GDPD5: variants seen among roughly 807,000 people sequenced by gnomAD.
GDPD5 encodes glycerophosphodiester phosphodiesterase 2.
Under a neutral mutation model 75.1 loss-of-function variants are expected in GDPD5, and 48 were observed. The ratio of observed to expected loss-of-function variants is 0.64; its 90% CI spans 0.51 to 0.81. The LOEUF (loss-of-function observed/expected upper bound fraction) is 0.81. GDPD5 is among the 40% of genes least tolerant of loss of function. The pLI is 0.00. For missense variants in GDPD5, 706 were observed against 822.6 expected, an observed-to-expected ratio of 0.86 and a Z score of 1.73; for synonymous variants, 336 against 339.0, an observed-to-expected ratio of 0.99 and a Z score of 0.10.
chr11:75,479,746 C>T (rs1392516557), intron 2 of GDPD5, among the ~76,000 whole-genome samples: 1 of 152,114 alleles, frequency 6.6e-6, no homozygotes, highest in Non-Finnish European at 1.5e-5. Flanking sequence ...ACTGCTCATC[C>T]ACTTTCTGTC....
intron 15 of GDPD5, 128 bp from the exon 16 acceptor site, chr11:75,437,176 A>C: frequency 1.5e-6 from 1 of 660,536 alleles, no homozygotes; most frequent in Non-Finnish European, 2.6e-6. Context: ...CCACTGTACA[A>C]TGGGGAAATA....
chr11:75,444,361 G>T (rs1477684388), intron 10 of GDPD5, 52 bp downstream of exon 10: 2 of 1,347,958 alleles, frequency 1.5e-6, no homozygotes, highest in East Asian at 4.6e-5. Context: ...CCAGGTGGAT[G>T]CCGAAGCGTG....
chr11:75,522,123 G>A (rs1056523668), intron 1 of GDPD5, among the ~76,000 whole-genome samples: 12 of 151,858 alleles, frequency 7.9e-5, no homozygotes, highest in Non-Finnish European at 1.5e-4. Flanking sequence ...CACCTGCCCC[G>A]CCACTAGCCC....
intron 1 of GDPD5, among the ~76,000 whole-genome samples, chr11:75,505,354 C>A (rs1950375639): frequency 2.0e-5 from 3 of 151,910 alleles, no homozygotes; most frequent in Middle Eastern, 3.4e-3. Context: ...CCACCCCCAG[C>A]CCTCCAGATC....
intron 2 of GDPD5, 159 bp from the exon 3 acceptor site, chr11:75,477,954 C>G: frequency 5.1e-6 from 2 of 390,392 alleles, no homozygotes; most frequent in Non-Finnish European, 9.1e-6. Context: ...CCCTGCAGGT[C>G]CCCAAGGACC....
Position 75,436,982 on chromosome 11 carries a change from C to A in GDPD5, c.1623G>T (p.Arg541=), listed in dbSNP as rs1217171041. The A allele has an allele frequency of 1.2e-6, 2 of 1,613,418 alleles. No individual in the cohort carries two copies. Among genetic ancestry groups the A allele is most frequent in the African/African-American group, 2.7e-5 (2 of 74,916 alleles). ...EQIMLSAAVR[R]TSRDVSIMKE... ...TCATGATGCTGACGTCCCGGCTGGTCCGGCGCACCGCAGCACTCAGCATGA... is the reference window on the plus strand; with the variant it reads ...TCATGATGCTGACGTCCCGGCTGGTACGGCGCACCGCAGCACTCAGCATGA... Residue 541 remains arginine (R), a synonymous_variant, in exon 16 of 17, where the codon CGG becomes CGT. Transcript: ENST00000336898.
chr11:75,515,270 G>A (rs1352639747), intron 1 of GDPD5, among the ~76,000 whole-genome samples: 4 of 152,208 alleles, frequency 2.6e-5, no homozygotes, highest in South Asian at 2.1e-4. Context: ...ACAACACCCC[G>A]TGGGGGCCTC....
At chr11:75,471,856 A>G (rs1371267690) in intron 3 of GDPD5, among the ~76,000 whole-genome samples, 4 of 152,128 alleles carry the variant, frequency 2.6e-5, no homozygotes, top group African/African-American at 9.7e-5. Context: ...CCACCTCCTC[A>G]TGCTGCAACA....
chr11:75,515,407 C>T (rs901447827), intron 1 of GDPD5, among the ~76,000 whole-genome samples: 2 of 152,242 alleles, frequency 1.3e-5, no homozygotes, highest in African/African-American at 4.8e-5. Flanking sequence ...CCACACCCCC[C>T]ACCTAACTCC....
At chr11:75,479,612 C>T (rs1166132143) in intron 2 of GDPD5, 1 of 152,196 alleles carries the variant, frequency 6.6e-6, no homozygotes, top group Non-Finnish European at 1.5e-5. Context: ...GGTATATTCA[C>T]AAGTTGTACA....
At chr11:75,440,907 C>T (rs1029205894) in intron 14 of GDPD5, among the ~76,000 whole-genome samples, 1 of 152,180 alleles carries the variant, frequency 6.6e-6, no homozygotes, top group African/African-American at 2.4e-5. Flanking sequence ...GAAACCCAAG[C>T]AGCTCTTTAC....
At chr11:75,520,163 G>C (rs114791429) in intron 1 of GDPD5, among the ~76,000 whole-genome samples, 2 of 152,180 alleles carry the variant, frequency 1.3e-5, no homozygotes, top group Non-Finnish European at 2.9e-5. Flanking sequence ...AGGCCTCCCT[G>C]CCATCTGGCA....
intron 2 of GDPD5, among the ~76,000 whole-genome samples, chr11:75,478,118 T>A (rs748892543): frequency 3.9e-5 from 6 of 152,178 alleles, no homozygotes; most frequent in Non-Finnish European, 8.8e-5. Context: ...TCCTTCTCTT[T>A]CCCCTCCTCT....
chr11:75,503,949 A>T (rs139846729), intron 1 of GDPD5, among the ~76,000 whole-genome samples: 1 of 152,302 alleles, frequency 6.6e-6, no homozygotes, highest in East Asian at 1.9e-4. Flanking sequence ...TCCTAAGGAC[A>T]AGGCTTGCGG....
At chr11:75,507,568 G>A (rs1319076890) in intron 1 of GDPD5, among the ~76,000 whole-genome samples, 3 of 152,242 alleles carry the variant, frequency 2.0e-5, no homozygotes, top group African/African-American at 7.2e-5. Flanking sequence ...GCCCAGACCG[G>A]GGTTCTTAAG....
Position 75,441,642 on chromosome 11 carries a change from G to T in GDPD5, c.1325+4C>A. 1 of 1,566,010 alleles carries T rather than the reference G, an allele frequency of 6.4e-7. No individual in the cohort carries two copies. The highest frequency in any genetic ancestry group is 8.6e-7 in the Non-Finnish European group (1 of 1,157,520). ...CCTGGAGGAGCCCAGGGCAGGGCAG[G>T]CACCTGAGCTCCTGGCGGGACACCT... On this transcript the variant is annotated splice_donor_region_variant and intron_variant, in intron 13 of 16. Coordinates refer to ENST00000336898, the MANE Select transcript of GDPD5 (RefSeq NM_030792.8).
chr11:75,453,436 G>T (rs1949214863), intron 6 of GDPD5, among the ~76,000 whole-genome samples: 1 of 152,058 alleles, frequency 6.6e-6, no homozygotes, highest in African/African-American at 2.4e-5. Flanking sequence ...AGCTAACACG[G>T]TGAAACCTCG....
Position 75,441,158 on chromosome 11 carries a change from C to A in GDPD5, c.1473+5G>T. 2.5e-6 allele frequency: 4 copies of A among 1,613,422 alleles called. No homozygotes were observed. The highest frequency in any genetic ancestry group is 3.4e-6 in the Non-Finnish European group (4 of 1,179,710). On this transcript the variant is annotated splice_donor_5th_base_variant and intron_variant, in intron 14 of 16. Transcript: ENST00000336898. Reference sequence around the variant, plus strand: ...CCCCCAGGGGCCCTCTGCCCCCCAACTCACCATGATCCAGAGGGGGGAAGG... The same window carrying A: ...CCCCCAGGGGCCCTCTGCCCCCCAAATCACCATGATCCAGAGGGGGGAAGG...
intron 3 of GDPD5, among the ~76,000 whole-genome samples, chr11:75,468,684 C>CA (rs1555006451): frequency 6.6e-6 from 1 of 152,124 alleles, no homozygotes; most frequent in Non-Finnish European, 1.5e-5. Flanking sequence ...CCGACGCCCC[C>CA]CCCCCGGGAG....
Sources: gnomAD v4.1 joint callset for allele counts (sites outside exome capture counted in the v4.1 genomes callset) on GRCh38, gnomAD v4.1.1 for gene constraint, MANE v1.5 for transcripts, NCBI Gene and HGNC (gene_info 2026-07-23, HGNC 2026-07-21) for gene names.